DISC1: variants seen among roughly 807,000 people sequenced by gnomAD.
DISC1 encodes disrupted in schizophrenia 1 protein.
DISC1 carries 57 observed loss-of-function variants against 84.5 expected under a neutral mutation model. The ratio of observed to expected loss-of-function variants is 0.67; its 90% CI spans 0.55 to 0.84. The LOEUF is 0.84. DISC1 is among the 40% of genes least tolerant of loss of function. The pLI is 0.00. For synonymous variants in DISC1, 411 were observed against 415.2 expected, an observed-to-expected ratio of 0.99 and a Z score of 0.12; for missense variants, 1,000 against 1,057.8, an observed-to-expected ratio of 0.95 and a Z score of 0.76.
intron 10 of DISC1, among the ~76,000 whole-genome samples, chr1:231,985,569 G>A (rs769880728): frequency 1.3e-5 from 2 of 152,144 alleles, no homozygotes; most frequent in Admixed American, 6.5e-5. Flanking sequence ...ATATTTGTGT[G>A]TATGCGTGTG....
intron 9 of DISC1, among the ~76,000 whole-genome samples, chr1:231,958,520 GA>G (rs1558781430): frequency 6.6e-6 from 1 of 152,226 alleles, no homozygotes; most frequent in African/African-American, 2.4e-5. Context: ...AAAGGTAAGA[GA>G]TAGAGCACAT....
At chr1:231,793,714 A>G (rs1389769887) in intron 6 of DISC1, among the ~76,000 whole-genome samples, 1 of 152,222 alleles carries the variant, frequency 6.6e-6, no homozygotes, top group East Asian at 1.9e-4. Flanking sequence ...CTCTCTTGCT[A>G]GAAAACGGAA....
At chr1:231,839,955 C>A (rs982883830) in intron 9 of DISC1, among the ~76,000 whole-genome samples, 1 of 152,126 alleles carries the variant, frequency 6.6e-6, no homozygotes, top group African/African-American at 2.4e-5. Context: ...CCAGCACCTC[C>A]CACAAGGCCC....
intron 9 of DISC1, among the ~76,000 whole-genome samples, chr1:231,946,164 A>G (rs1403263178): frequency 6.6e-6 from 1 of 152,234 alleles, no homozygotes; most frequent in Non-Finnish European, 1.5e-5. Flanking sequence ...ACAAAAAAAG[A>G]AAATTTCAGG....
intron 3 of DISC1, among the ~76,000 whole-genome samples, chr1:231,748,888 A>G (rs957387794): frequency 1.3e-5 from 2 of 152,212 alleles, no homozygotes; most frequent in African/African-American, 4.8e-5. Context: ...ATCTGGAGCA[A>G]TGCAGCTGTG....
chr1:231,953,785 G>A (rs1338869318), intron 9 of DISC1, among the ~76,000 whole-genome samples: 1 of 152,136 alleles, frequency 6.6e-6, no homozygotes, highest in Non-Finnish European at 1.5e-5. Context: ...TGCTAAACTG[G>A]GGAGGTCCCT....
At chr1:231,705,694 T>C (rs2067003326) in intron 3 of DISC1, among the ~76,000 whole-genome samples, 1 of 152,142 alleles carries the variant, frequency 6.6e-6, no homozygotes, top group African/African-American at 2.4e-5. Flanking sequence ...ATGAGATTTG[T>C]TCAAATAAGA....
intron 9 of DISC1, among the ~76,000 whole-genome samples, chr1:231,834,359 A>C (rs537807361): frequency 9.1e-4 from 139 of 152,206 alleles, no homozygotes; most frequent in African/African-American, 3.3e-3. Context: ...GTTGGGACTG[A>C]GGGGACAGGC....
intron 9 of DISC1, among the ~76,000 whole-genome samples, chr1:231,866,353 A>G (rs1387642192): frequency 6.6e-6 from 1 of 152,190 alleles, no homozygotes; most frequent in African/African-American, 2.4e-5. Context: ...CATCTACAAA[A>G]TGAAAAACTT....
intron 11 of DISC1, among the ~76,000 whole-genome samples, chr1:232,019,716 T>A (rs764530427): frequency 1.3e-5 from 2 of 152,178 alleles, no homozygotes; most frequent in Non-Finnish European, 2.9e-5. Context: ...TGGGACTGGA[T>A]ACTCATGTTC....
intron 9 of DISC1, among the ~76,000 whole-genome samples, chr1:231,919,010 T>C (rs2089827114): frequency 6.6e-6 from 1 of 152,226 alleles, no homozygotes; most frequent in Non-Finnish European, 1.5e-5. Flanking sequence ...AGCTCCTCAA[T>C]TTTAAGAATT....
In DISC1 at chr1:232,037,859, GCAGTACTCAGGAATGCAGCA is replaced by G. The variant is rs1670618167; in HGVS notation, c.*1040_*1059del. On this transcript the variant is annotated 3_prime_UTR_variant, in exon 13 of 13. Coordinates refer to ENST00000439617, the MANE Select transcript of DISC1 (RefSeq NM_018662.3). ...ACAATACAGTACTCAGTTAGGCAGT[GCAGTACTCAGGAATGCAGCA>G]CAGTACTCAGGCAGTGCAATACTCA... The G allele has an allele frequency of 6.6e-6, 1 of 152,274 alleles. No individual in the cohort carries two copies. The highest frequency in any genetic ancestry group is 1.5e-5 in the Non-Finnish European group (1 of 68,324). The allele number at this position is 152,274 out of a possible 1,614,324, so 9.4% of individuals were successfully genotyped here.
At chr1:231,750,719 T>A (rs1213821871) in intron 4 of DISC1, 1 of 376,150 alleles carries the variant, frequency 2.7e-6, no homozygotes, top group Non-Finnish European at 3.7e-6. Flanking sequence ...ATTGGCATGC[T>A]TAAAAAGGCT....
At chr1:231,706,888 CCCAA>C (rs749065059) in intron 3 of DISC1, among the ~76,000 whole-genome samples, 5 of 152,106 alleles carry the variant, frequency 3.3e-5, no homozygotes, top group African/African-American at 4.8e-5. Flanking sequence ...GTGCAAATTA[CCCAA>C]CCAGATACCC....
rs571852880 is a variant in DISC1 at position 231,939,979 on chromosome 1, G to T, written c.1982-18849G>T. Among the ~76,000 whole-genome samples the T allele has an allele frequency of 5.3e-5, 8 of 152,202 alleles. No individual in the cohort carries two copies. In the East Asian group the frequency reaches 1.5e-3, roughly 29 times the overall value. ...GCTGGTCTCAAACTCATGACCTCAGGTGATCCACCCACTTCAGCCTTCCAA... is the reference window on the plus strand; with the variant it reads ...GCTGGTCTCAAACTCATGACCTCAGTTGATCCACCCACTTCAGCCTTCCAA... On this transcript the variant is annotated intron_variant, in intron 9 of 12. Coordinates refer to ENST00000439617, the MANE Select transcript of DISC1 (RefSeq NM_018662.3).
intron 11 of DISC1, among the ~76,000 whole-genome samples, chr1:232,023,874 A>AT (rs1317783270): frequency 6.6e-6 from 1 of 151,642 alleles, no homozygotes; most frequent in Non-Finnish European, 1.5e-5. Flanking sequence ...ACTGTCAATC[A>AT]TTTTTTCCCA....
rs543562318 is a variant in DISC1, at chr1:231,981,062, T to G, written c.2042+22174T>G. Among the ~76,000 whole-genome samples, 7 of 152,316 alleles carry G rather than the reference T, an allele frequency of 4.6e-5. No homozygotes were observed. The South Asian group carries it at 1.4e-3, about 32-fold the overall frequency. On this transcript the variant is annotated intron_variant, in intron 10 of 12. Coordinates refer to ENST00000439617, the MANE Select transcript of DISC1 (RefSeq NM_018662.3). ...CCTGGGCTCGATTAATTATCTTACC[T>G]TAGCCTCCAAGTCTAGGTCCACAAG... is the stretch of plus-strand genomic sequence containing the variant.
At chr1:232,022,509 T>C (rs535045232) in intron 11 of DISC1, among the ~76,000 whole-genome samples, 3 of 152,224 alleles carry the variant, frequency 2.0e-5, no homozygotes, top group Admixed American at 6.5e-5. Flanking sequence ...GGTTTTACCA[T>C]GTTGGCCAGG....
Position 232,039,319 on chromosome 1 carries a change from A to G in DISC1, c.*2488A>G, listed in dbSNP as rs891595064. ...AGACATCTTAACCGTCACTAGCCCA[A>G]GTGTTTTGTATTACTCAGACACCAT... On this transcript the variant is annotated 3_prime_UTR_variant, in exon 13 of 13. Transcript: ENST00000439617. 1.3e-5 allele frequency: 2 copies of G among 152,212 alleles called. No homozygotes were observed. The highest frequency in any genetic ancestry group is 2.9e-5 in the Non-Finnish European group (2 of 68,048). The allele number at this position is 152,212 out of a possible 1,614,324, so 9.4% of individuals were successfully genotyped here. A position where few individuals can be genotyped will look rare whatever the true frequency, so the allele number is the denominator to read the frequency against.
Sources: gnomAD v4.1 joint callset for allele counts (sites outside exome capture counted in the v4.1 genomes callset) on GRCh38, gnomAD v4.1.1 for gene constraint, MANE v1.5 for transcripts, NCBI Gene and HGNC (gene_info 2026-07-23, HGNC 2026-07-21) for gene names.